PRKAR1A: variants seen among roughly 807,000 people sequenced by gnomAD.
The protein encoded by PRKAR1A is protein kinase cAMP-dependent type I regulatory subunit alpha.
Under a neutral mutation model 52.0 loss-of-function variants are expected in PRKAR1A, and 3 were observed. The observed-to-expected ratio is 0.06, with a 90% confidence interval of 0.03 to 0.15. PRKAR1A has a LOEUF of 0.15. Among genes scored for constraint, PRKAR1A ranks in the 10% least tolerant of loss-of-function variants. The pLI is 1.00. For missense variants in PRKAR1A, 240 were observed against 477.4 expected (o/e 0.50, Z 4.63); for synonymous variants, 188 against 168.4 (o/e 1.12, Z -0.90).
chr17:68,535,669 A>ATTTTTTTTTTTT, downstream of PRKAR1A: 1 of 370,570 alleles, frequency 2.7e-6, no homozygotes, highest in Non-Finnish European at 5.4e-6. Context: ...TTAAAAAAAA[A>ATTTTTTTTTTTT]TTTTTTTTTT....
chr17:68,490,690 T>A, the PRKAR1A span, among the ~76,000 whole-genome samples: 2 of 152,158 alleles, frequency 1.3e-5, no homozygotes, highest in Non-Finnish European at 2.9e-5. Context: ...ATTACCCATC[T>A]GTGAAGAGAG....
At chr17:68,537,456 GA>G (rs759286655), downstream of PRKAR1A, 4 of 1,614,010 alleles carry the variant, frequency 2.5e-6, no homozygotes, top group South Asian at 4.4e-5. This position sits in a 1 kb window ranked among gnomAD's most constrained non-coding sequence, Gnocchi z 4.2. Flanking sequence ...CGTATTTTCT[GA>G]AACTGGACTC....
At chr17:68,498,494 A>T in the PRKAR1A span, among the ~76,000 whole-genome samples, 1 of 152,184 alleles carries the variant, frequency 6.6e-6, no homozygotes, top group Non-Finnish European at 1.5e-5. Context: ...GAGGATGTGA[A>T]CCCAGGGAGA....
the PRKAR1A span, among the ~76,000 whole-genome samples, chr17:68,465,397 G>A: frequency 6.6e-6 from 1 of 152,064 alleles, no homozygotes; most frequent in African/African-American, 2.4e-5. Flanking sequence ...ATGCACAGAT[G>A]TCTGGAGACA....
At chr17:68,550,435 C>T (rs1231857504) in intron 11 of PRKAR1A, among the ~76,000 whole-genome samples, 1 of 127,918 alleles carries the variant, frequency 7.8e-6, no homozygotes, top group South Asian at 2.6e-4. Context: ...GGCTGGAGTG[C>T]AGTGGTGCGA....
At chr17:68,452,935 C>T in the PRKAR1A span, 4 of 1,614,052 alleles carry the variant, frequency 2.5e-6, no homozygotes, top group South Asian at 3.3e-5. Context: ...GATCCAGCTG[C>T]TCCACAGAAC....
the PRKAR1A span, among the ~76,000 whole-genome samples, chr17:68,442,464 CA>C: frequency 0.045 from 2,801 of 62,780 alleles, 68 homozygotes; most frequent in East Asian, 0.19. Context: ...GACTGTGTCT[CA>C]AAAAAAAAAA....
At chr17:68,443,038 T>G in the PRKAR1A span, among the ~76,000 whole-genome samples, 5 of 152,336 alleles carry the variant, frequency 3.3e-5, no homozygotes, top group Admixed American at 3.3e-4. Context: ...AAAATGTGCT[T>G]CAAAGTCATT....
chr17:68,537,592 G>A (rs146689929), downstream of PRKAR1A: 1,567 of 1,613,700 alleles, frequency 9.7e-4, 13 homozygotes, highest in African/African-American at 0.017. This position sits in a 1 kb window ranked among gnomAD's most constrained non-coding sequence, Gnocchi z 4.2. Flanking sequence ...CCTTAGGATG[G>A]TTTGGAGCCT....
At chr17:68,548,895 G>A (rs1350803722) in intron 11 of PRKAR1A, among the ~76,000 whole-genome samples, 1 of 151,574 alleles carries the variant, frequency 6.6e-6, no homozygotes, top group Non-Finnish European at 1.5e-5. Flanking sequence ...ACCACGCCCG[G>A]CTAATTTTTT....
the PRKAR1A span, chr17:68,422,101 A>G: frequency 2.5e-6 from 1 of 398,068 alleles, no homozygotes; most frequent in South Asian, 3.2e-5. Flanking sequence ...GGCTCATCTT[A>G]CTTGTAAACA....
the PRKAR1A span, among the ~76,000 whole-genome samples, chr17:68,447,720 C>T: frequency 9.9e-5 from 15 of 152,136 alleles, no homozygotes; most frequent in Non-Finnish European, 1.5e-4. Flanking sequence ...GGGCCAGGTG[C>T]GGTGGCTCAC....
chr17:68,463,851 C>T, the PRKAR1A span, among the ~76,000 whole-genome samples: 1,526 of 152,246 alleles, frequency 0.01, 22 homozygotes, highest in African/African-American at 0.035. Context: ...CACTGGAATT[C>T]GACACAGACA....
intron 2 of PRKAR1A, among the ~76,000 whole-genome samples, 199 bp from the exon 3 acceptor site, chr17:68,522,557 C>G (rs143000771): frequency 2.6e-4 from 40 of 152,278 alleles, no homozygotes; most frequent in African/African-American, 9.4e-4. Context: ...CATCTGTTAT[C>G]ATCTGAGGTA....
the PRKAR1A span, among the ~76,000 whole-genome samples, chr17:68,448,740 T>C: frequency 3.3e-5 from 5 of 152,246 alleles, no homozygotes; most frequent in African/African-American, 4.8e-5. Flanking sequence ...TTTAACCTTG[T>C]ATACGGATTA....
At chr17:68,536,109 T>A (rs2086089939), downstream of PRKAR1A, 1 of 454,116 alleles carries the variant, frequency 2.2e-6, no homozygotes. Flanking sequence ...AGCATACCAG[T>A]CATGTGGGGG....
intron 3 of PRKAR1A, 22 bp downstream of exon 3, chr17:68,522,948 CG>C (rs1387435672): frequency 1.9e-6 from 3 of 1,611,810 alleles, no homozygotes; most frequent in South Asian, 1.1e-5. Flanking sequence ...ATTTGAATAT[CG>C]GGGGGATGCT....
the PRKAR1A span, among the ~76,000 whole-genome samples, chr17:68,498,691 C>T: frequency 0.18 from 26,795 of 152,208 alleles, 3,040 homozygotes; most frequent in East Asian, 0.48. Context: ...GGCAATTGGC[C>T]CTAGTTCCAT....
the PRKAR1A span, chr17:68,426,105 C>CACT: frequency 6.2e-7 from 1 of 1,612,728 alleles, no homozygotes; most frequent in South Asian, 1.1e-5. Context: ...CATCAAGACA[C>CACT]ACTGGTCCCG....
Sources: gnomAD v4.1 joint callset for allele counts (sites outside exome capture counted in the v4.1 genomes callset) on GRCh38, gnomAD v4.1.1 for gene constraint, Gnocchi (gnomAD v3.1) non-coding constraint, MANE v1.5 for transcripts, NCBI Gene and HGNC (gene_info 2026-07-23, HGNC 2026-07-21) for gene names.